Variants in BCL2 observed in about 807,000 individuals in gnomAD.
BCL2 encodes apoptosis regulator Bcl-2.
A neutral mutation model predicts 14.2 loss-of-function variants in BCL2; 1 was observed. The ratio of observed to expected loss-of-function variants is 0.07; its 90% confidence interval spans 0.02 to 0.33. The LOEUF (loss-of-function observed/expected upper bound fraction) is 0.33, where lower values mean the gene tolerates loss of function less well. BCL2 is among the 10% of genes least tolerant of loss of function. The probability of loss-of-function intolerance (pLI) is 0.99; values close to 1 mark genes in which losing one functional copy is unlikely to be tolerated. For missense variants in BCL2, 247 were observed against 305.9 expected, an observed-to-expected ratio of 0.81 and a Z score of 1.44; for synonymous variants, 151 against 137.2, an observed-to-expected ratio of 1.10 and a Z score of -0.70.
At chr18:63,283,608 A>T (rs1224802353) in intron 2 of BCL2, among the ~76,000 whole-genome samples, 1 of 152,226 alleles carries the variant, frequency 6.6e-6, no homozygotes. Context: ...GCCAGGAATG[A>T]TCTTCTGCTC....
intron 2 of BCL2, among the ~76,000 whole-genome samples, chr18:63,224,105 T>C (rs1174976064): frequency 6.6e-6 from 1 of 151,948 alleles, no homozygotes; most frequent in Non-Finnish European, 1.5e-5. Context: ...GTAACAGAAA[T>C]GAACCCAATA....
intron 2 of BCL2, among the ~76,000 whole-genome samples, chr18:63,145,905 A>G (rs1361158289): frequency 6.6e-6 from 1 of 152,188 alleles, no homozygotes; most frequent in Non-Finnish European, 1.5e-5. Context: ...GTAGCTGAAC[A>G]GCGAGGAGTT....
rs2144580041 is a variant in BCL2, at chr18:63,124,385, A to C, written c.*4240T>G. 4.3e-6 allele frequency: 1 copy of C among 231,556 alleles called. No individual in the cohort carries two copies. The highest frequency in any genetic ancestry group is 1.8e-4 in the South Asian group (1 of 5,516). 14.3% of individuals were successfully genotyped at this position (231,556 alleles called of 1,614,324 possible). The stretch of plus-strand genomic sequence containing the variant: ...TTGAAATTTATACCATTGCACTGCC[A>C]AACGGAGCTGCACTTTGAGCCATGC... On this transcript the variant is annotated 3_prime_UTR_variant, in exon 3 of 3. Transcript: ENST00000333681.
At chr18:63,237,845 G>C (rs1307682852) in intron 2 of BCL2, among the ~76,000 whole-genome samples, 2 of 152,128 alleles carry the variant, frequency 1.3e-5, no homozygotes, top group Non-Finnish European at 2.9e-5. Flanking sequence ...ATGAAAATAT[G>C]ATCTTGGTAA....
intron 2 of BCL2, among the ~76,000 whole-genome samples, chr18:63,136,532 G>A (rs956757217): frequency 1.3e-5 from 2 of 152,218 alleles, no homozygotes; most frequent in Non-Finnish European, 2.9e-5. Flanking sequence ...AGTGCAAGTG[G>A]TTTATTTGGG....
Position 63,183,029 on chromosome 18 carries a change from A to T in BCL2, c.586-54270T>A, listed in dbSNP as rs570755625. The stretch of plus-strand genomic sequence containing the variant: ...CGAGCTGGGCATGCCTAGGTCACTG[A>T]CGAATCTCTGTCAATGCACAAATGA... On this transcript the variant is annotated intron_variant, in intron 2 of 2. Coordinates refer to ENST00000333681, the MANE Select transcript of BCL2 (RefSeq NM_000633.3). Among the ~76,000 whole-genome samples the T allele has an allele frequency of 4.3e-4, 66 of 152,318 alleles. No homozygotes were observed. In the South Asian group the frequency reaches 0.014, roughly 32 times the overall value.
intron 2 of BCL2, among the ~76,000 whole-genome samples, chr18:63,199,648 C>T (rs563739680): frequency 2.8e-4 from 43 of 152,072 alleles, no homozygotes; most frequent in Non-Finnish European, 5.7e-4. Context: ...CACACATACA[C>T]GCAGACACAT....
chr18:63,142,329 C>CT (rs1172367015), intron 2 of BCL2, among the ~76,000 whole-genome samples: 1 of 152,222 alleles, frequency 6.6e-6, no homozygotes, highest in Non-Finnish European at 1.5e-5. Context: ...CTGGCACTTG[C>CT]TTTTTGGGAC....
At chr18:63,301,280 G>A (rs920254367) in intron 2 of BCL2, among the ~76,000 whole-genome samples, 1 of 151,156 alleles carries the variant, frequency 6.6e-6, no homozygotes, top group Non-Finnish European at 1.5e-5. Context: ...TGATGAACAA[G>A]TTCTGGAAAC....
At position 63,318,524 on chromosome 18, in the gene BCL2, A is replaced by T; in HGVS notation, c.143T>A (p.Ile48Asn). The part of the protein sequence containing the change: ...APPGAAPAPG[I>N]FSSQPGHTPH... ...CGTGTGCCCGGGCTGGGAGGAGAAGATGCCCGGTGCGGGGGCGGCCCCCGG... is the reference window on the plus strand; with the variant it reads ...CGTGTGCCCGGGCTGGGAGGAGAAGTTGCCCGGTGCGGGGGCGGCCCCCGG... The change falls in exon 2 of 3, where the codon ATC becomes AAC. Residue 48 changes from isoleucine to asparagine, a missense_variant. By Grantham distance (149) the Ile-to-Asn change is moderately radical (BLOSUM62 -3). Coordinates refer to ENST00000333681, the MANE Select transcript of BCL2 (RefSeq NM_000633.3). The surrounding 1 kb of genome is among the most constrained non-coding windows in gnomAD (Gnocchi z 7.4). 6.4e-7 allele frequency: 1 copy of T among 1,574,170 alleles called. No homozygotes were observed. The highest frequency in any genetic ancestry group is 8.6e-7 in the Non-Finnish European group (1 of 1,165,700).
rs1197747560 is a variant in BCL2, at chr18:63,261,001, G to T, written c.585+57081C>A. Among the ~76,000 whole-genome samples, 3 of 151,924 alleles carry T rather than the reference G, an allele frequency of 2.0e-5. No homozygotes were observed. The East Asian group carries it at 5.8e-4, about 29-fold the overall frequency. On this transcript the variant is annotated intron_variant, in intron 2 of 2. Coordinates refer to ENST00000333681, the MANE Select transcript of BCL2 (RefSeq NM_000633.3). ...AGAACAAATACAAAAATCAATTAAG[G>T]TCCAGGGAAGGGCTCCATTCCTTCT...
intron 2 of BCL2, among the ~76,000 whole-genome samples, chr18:63,236,745 C>G (rs3810027): frequency 0.37 from 56,442 of 152,002 alleles, 10,579 homozygotes; most frequent in South Asian, 0.44. Flanking sequence ...CGATGGCCTC[C>G]GTTCCAGCAT....
chr18:63,170,693 C>T (rs1599223053), intron 2 of BCL2, among the ~76,000 whole-genome samples: 1 of 152,314 alleles, frequency 6.6e-6, no homozygotes, highest in East Asian at 1.9e-4. Flanking sequence ...GTGCTCAAGA[C>T]TTCAAATCAT....
At chr18:63,192,561 G>C (rs1055110725) in intron 2 of BCL2, among the ~76,000 whole-genome samples, 2 of 152,152 alleles carry the variant, frequency 1.3e-5, no homozygotes, top group African/African-American at 4.8e-5. Context: ...AAGATGGCAG[G>C]TGTCCTGAGG....
At chr18:63,199,206 A>G (rs1909607977) in intron 2 of BCL2, among the ~76,000 whole-genome samples, 1 of 151,270 alleles carries the variant, frequency 6.6e-6, no homozygotes, top group Non-Finnish European at 1.5e-5. Context: ...CAACACACAG[A>G]CACACACAAC....
At chr18:63,172,734 T>A (rs1915254659) in intron 2 of BCL2, among the ~76,000 whole-genome samples, 1 of 152,108 alleles carries the variant, frequency 6.6e-6, no homozygotes, top group Non-Finnish European at 1.5e-5. Flanking sequence ...TGAGCCGAGA[T>A]CGTGCCACTG....
chr18:63,164,020 T>A (rs1049576037), intron 2 of BCL2, among the ~76,000 whole-genome samples: 4 of 152,222 alleles, frequency 2.6e-5, no homozygotes, highest in African/African-American at 9.6e-5. Context: ...ACTAAATCCA[T>A]CATGAGTCAA....
intron 2 of BCL2, among the ~76,000 whole-genome samples, chr18:63,197,808 A>T (rs545098042): frequency 1.9e-4 from 29 of 152,302 alleles, no homozygotes; most frequent in African/African-American, 6.5e-4. Flanking sequence ...TGTTAGTCAG[A>T]CATTGAGGGG....
intron 2 of BCL2, among the ~76,000 whole-genome samples, chr18:63,205,487 A>G (rs958095440): frequency 6.6e-6 from 1 of 152,210 alleles, no homozygotes; most frequent in African/African-American, 2.4e-5. Flanking sequence ...TAAAATCTTC[A>G]ACAGCCTAGC....
Sources: gnomAD v4.1 joint callset for allele counts (sites outside exome capture counted in the v4.1 genomes callset) on GRCh38, gnomAD v4.1.1 for gene constraint, Gnocchi (gnomAD v3.1) non-coding constraint, MANE v1.5 for transcripts, NCBI Gene and HGNC (gene_info 2026-07-23, HGNC 2026-07-21) for gene names.